Variants in TECRL observed in about 807,000 individuals in gnomAD.
TECRL encodes trans-2,3-enoyl-CoA reductase-like.
TECRL carries 63 observed loss-of-function variants against 52.8 expected under a neutral mutation model. The observed-to-expected ratio is 1.19, with a 90% confidence interval of 0.97 to 1.47. The LOEUF (loss-of-function observed/expected upper bound fraction) is 1.47, where lower values mean the gene tolerates loss of function less well. Ranked by LOEUF, TECRL falls within the 40% of genes most tolerant of loss-of-function variation. The pLI, the probability that TECRL is intolerant of heterozygous loss-of-function variation, is 0.00. For synonymous variants in TECRL, 164 were observed against 141.9 expected (o/e 1.16, Z -1.10); for missense variants, 482 against 429.6 (o/e 1.12, Z -1.08).
At chr4:64,326,322 A>G (rs1718259565) in intron 3 of TECRL, among the ~76,000 whole-genome samples, 1 of 152,174 alleles carries the variant, frequency 6.6e-6, no homozygotes, top group African/African-American at 2.4e-5. Flanking sequence ...TAAAGGTAGG[A>G]ATATACAAAA....
Position 64,280,159 on chromosome 4 carries a change from C to CA in TECRL, c.1004dup (p.Leu335PhefsTer8). On this transcript the variant is annotated frameshift_variant, in exon 12 of 12. Transcript: ENST00000381210. LOFTEE classifies it high-confidence loss of function. Reference sequence around the variant, plus strand: ...AAATCTTATGTTTCTTTTGTGCCCACAAAGACATCTGGATACTCATCAGAA... The same window carrying CA: ...AAATCTTATGTTTCTTTTGTGCCCACAAAAGACATCTGGATACTCATCAGAA... The CA allele has an allele frequency of 6.3e-7, 1 of 1,599,876 alleles. No homozygotes were observed. The highest frequency in any genetic ancestry group is 8.5e-7 in the Non-Finnish European group (1 of 1,173,616).
chr4:64,392,195 G>C (rs191786567), intron 1 of TECRL, among the ~76,000 whole-genome samples: 1 of 151,718 alleles, frequency 6.6e-6, no homozygotes. Context: ...TTCCAGCTTC[G>C]GTCTGGTGAT....
At chr4:64,305,742 C>T (rs1724297838) in intron 6 of TECRL, among the ~76,000 whole-genome samples, 1 of 152,154 alleles carries the variant, frequency 6.6e-6, no homozygotes, top group African/African-American at 2.4e-5. Context: ...GAGTAATAAC[C>T]AAGATGGAGT....
chr4:64,382,070 T>C (rs1267129807), intron 1 of TECRL, among the ~76,000 whole-genome samples: 1 of 151,468 alleles, frequency 6.6e-6, no homozygotes, highest in Non-Finnish European at 1.5e-5. Context: ...AGTGCTGGGC[T>C]TTTCTTTGTT....
At chr4:64,372,734 A>C (rs1467622513) in intron 2 of TECRL, among the ~76,000 whole-genome samples, 1 of 151,736 alleles carries the variant, frequency 6.6e-6, no homozygotes, top group Non-Finnish European at 1.5e-5. Context: ...TCAGGAAATA[A>C]TGTCTTCTGA....
downstream of TECRL, chr4:64,277,059 T>TA: frequency 6.7e-7 from 1 of 1,498,180 alleles, no homozygotes; most frequent in Non-Finnish European, 8.9e-7. Context: ...CACCTGGAAA[T>TA]AAAAATGAGA....
intron 2 of TECRL, among the ~76,000 whole-genome samples, chr4:64,364,065 A>G (rs1721414596): frequency 6.6e-6 from 1 of 152,160 alleles, no homozygotes; most frequent in South Asian, 2.1e-4. Context: ...AGTTACACTC[A>G]GAGCACAGCA....
intron 2 of TECRL, among the ~76,000 whole-genome samples, chr4:64,366,867 C>T (rs1428516499): frequency 1.3e-5 from 2 of 149,410 alleles, no homozygotes; most frequent in East Asian, 4.0e-4. Context: ...TATCGTTTGG[C>T]CCAGCAATAC....
intron 3 of TECRL, among the ~76,000 whole-genome samples, chr4:64,327,373 G>A (rs1329868910): frequency 6.6e-6 from 1 of 152,026 alleles, no homozygotes; most frequent in Admixed American, 6.6e-5. Flanking sequence ...TCTCTTAATA[G>A]TGTCCTTCAA....
At chr4:64,409,070 G>A in intron 1 of TECRL, 48 bp downstream of exon 1, 1 of 1,453,084 alleles carries the variant, frequency 6.9e-7, no homozygotes. Flanking sequence ...TTGGGGCAGA[G>A]AAGAAACACT....
At chr4:64,286,888 A>T (rs1324827380) in intron 9 of TECRL, among the ~76,000 whole-genome samples, 1 of 152,132 alleles carries the variant, frequency 6.6e-6, no homozygotes, top group Non-Finnish European at 1.5e-5. Flanking sequence ...ATTGCTAGTC[A>T]CCTAGATAAG....
intron 11 of TECRL, among the ~76,000 whole-genome samples, chr4:64,280,719 CACAT>C (rs1722780673): frequency 6.6e-6 from 1 of 152,108 alleles, no homozygotes; most frequent in Non-Finnish European, 1.5e-5. Context: ...GAAGACAAAA[CACAT>C]ACACATGCCT....
At chr4:64,322,048 T>C (rs1324739756) in intron 4 of TECRL, among the ~76,000 whole-genome samples, 1 of 152,122 alleles carries the variant, frequency 6.6e-6, no homozygotes, top group African/African-American at 2.4e-5. Flanking sequence ...TGGATAAATG[T>C]AGAAATTGAC....
intron 2 of TECRL, among the ~76,000 whole-genome samples, chr4:64,368,319 G>C (rs890999217): frequency 6.6e-6 from 1 of 151,712 alleles, no homozygotes; most frequent in Non-Finnish European, 1.5e-5. Flanking sequence ...GTTTGAGACA[G>C]AGTCTTGCTG....
chr4:64,330,008 C>G (rs534325019), intron 2 of TECRL, among the ~76,000 whole-genome samples: 9 of 151,676 alleles, frequency 5.9e-5, no homozygotes, highest in Admixed American at 5.3e-4. Flanking sequence ...TAAAATAGTA[C>G]TATTTTACTG....
intron 1 of TECRL, among the ~76,000 whole-genome samples, chr4:64,391,204 A>T (rs987853667): frequency 6.6e-6 from 1 of 151,884 alleles, no homozygotes; most frequent in African/African-American, 2.4e-5. Context: ...TTTGATGATT[A>T]TATGAACCAT....
chr4:64,357,984 T>TG (rs1720893616), intron 2 of TECRL, among the ~76,000 whole-genome samples: 2 of 151,664 alleles, frequency 1.3e-5, no homozygotes, highest in African/African-American at 4.8e-5. Flanking sequence ...ATAATAAGTG[T>TG]GAAAAAATGT....
chr4:64,318,471 G>A (rs767850619), intron 4 of TECRL, among the ~76,000 whole-genome samples: 8 of 151,882 alleles, frequency 5.3e-5, no homozygotes, highest in South Asian at 2.1e-4. Flanking sequence ...GTGTGTGTGC[G>A]CATGAACACA....
At chr4:64,391,173 T>C (rs925095730) in intron 1 of TECRL, among the ~76,000 whole-genome samples, 9 of 151,856 alleles carry the variant, frequency 5.9e-5, no homozygotes, top group Non-Finnish European at 8.9e-5. Context: ...TCATTACATA[T>C]GTCTGAAATT....
Sources: allele counts gnomAD v4.1 joint callset (sites outside exome capture counted in the v4.1 genomes callset), GRCh38; gene constraint gnomAD v4.1.1; transcripts MANE v1.5; gene names NCBI Gene and HGNC (gene_info 2026-07-23, HGNC 2026-07-21).